The following MYH10 variants were observed in gnomAD, a reference collection of about 807,000 sequenced individuals.
MYH10 encodes the protein myosin-10.
MYH10 carries 55 observed loss-of-function variants against 257.8 expected under a neutral mutation model. That is an observed-to-expected ratio of 0.21 (90% confidence interval 0.17 to 0.27). MYH10 has a LOEUF of 0.27. Among genes scored for constraint, MYH10 ranks in the 10% least tolerant of loss-of-function variants. The pLI, the probability that MYH10 is intolerant of heterozygous loss-of-function variation, is 1.00. For missense variants in MYH10, 1,631 were observed against 2,500.6 expected, an observed-to-expected ratio of 0.65 and a Z score of 7.42; for synonymous variants, 854 against 921.7, an observed-to-expected ratio of 0.93 and a Z score of 1.33.
chr17:8,582,565 G>C (rs2083748559), intron 4 of MYH10, among the ~76,000 whole-genome samples: 2 of 152,234 alleles, frequency 1.3e-5, no homozygotes, highest in African/African-American at 4.8e-5. Context: ...AAGCAAGGAG[G>C]CTTCTAGCTG....
At position 8,576,767 on chromosome 17, in the gene MYH10, G is replaced by A. The variant is rs377528331; in HGVS notation, c.634-95C>T. 11 of 1,193,542 alleles carry A rather than the reference G, an allele frequency of 9.2e-6. No homozygotes were observed. In the South Asian group the frequency reaches 9.3e-5, roughly 10 times the overall value. 73.9% of individuals were successfully genotyped at this position (1,193,542 alleles called of 1,614,324 possible). ...CAAAGCACCAAGCCAATGTGCAGTTGAGAACTGTGGAAGCTGGGTTGGCTG... is the reference window on the plus strand; with the variant it reads ...CAAAGCACCAAGCCAATGTGCAGTTAAGAACTGTGGAAGCTGGGTTGGCTG... On this transcript the variant is annotated intron_variant, in intron 5 of 42. Coordinates refer to ENST00000360416, the MANE Select transcript of MYH10 (RefSeq NM_001256012.3).
chr17:8,540,606 C>T (rs1280423244), intron 14 of MYH10, among the ~76,000 whole-genome samples: 4 of 152,100 alleles, frequency 2.6e-5, no homozygotes, highest in Non-Finnish European at 5.9e-5. Flanking sequence ...CACAATTATT[C>T]CTATAAAGAT....
intron 37 of MYH10, among the ~76,000 whole-genome samples, chr17:8,483,183 CCACAT>C (rs1202542603): frequency 6.6e-6 from 1 of 152,154 alleles, no homozygotes; most frequent in Non-Finnish European, 1.5e-5. Context: ...TGAAATTACT[CCACAT>C]CAAAATTTGT....
At chr17:8,592,489 T>C (rs1299561931) in intron 3 of MYH10, among the ~76,000 whole-genome samples, 1 of 151,946 alleles carries the variant, frequency 6.6e-6, no homozygotes, top group Non-Finnish European at 1.5e-5. Flanking sequence ...CCCATGGATA[T>C]TGAAAAGATA....
chr17:8,596,861 C>T (rs922278310), intron 3 of MYH10, among the ~76,000 whole-genome samples: 1 of 152,000 alleles, frequency 6.6e-6, no homozygotes, highest in Admixed American at 6.6e-5. Flanking sequence ...TATCCTCTAT[C>T]CAAAAATTTT....
At position 8,583,926 on chromosome 17, in the gene MYH10, T is replaced by G. The variant is rs140564684; in HGVS notation, c.530+5155A>C. Among the ~76,000 whole-genome samples, 100 of 152,316 alleles carry G rather than the reference T, an allele frequency of 6.6e-4. 1 individual carries two copies. The East Asian group carries it at 0.019, about 29-fold the overall frequency. On this transcript the variant is annotated intron_variant, in intron 4 of 42. Coordinates refer to ENST00000360416, the MANE Select transcript of MYH10 (RefSeq NM_001256012.3). ...AGAGTCATAAAACATAAACAGAGTA[T>G]TCTTTAAAAGGGGGGTTTAAGAGAA...
chr17:8,476,744 T>C (rs1315099260), intron 42 of MYH10, 132 bp downstream of exon 42: 8 of 1,033,524 alleles, frequency 7.7e-6, no homozygotes, highest in Admixed American at 2.8e-5. Context: ...AAATCTTAAA[T>C]GAAGTGGTTC....
At chr17:8,488,079 G>C (rs1220647329) in intron 35 of MYH10, among the ~76,000 whole-genome samples, 1 of 152,164 alleles carries the variant, frequency 6.6e-6, no homozygotes, top group South Asian at 2.1e-4. Context: ...GCAGGAAAGG[G>C]GGGAGCAGTC....
intron 1 of MYH10, among the ~76,000 whole-genome samples, chr17:8,630,072 G>A (rs1351399531): frequency 6.6e-6 from 1 of 151,762 alleles, no homozygotes; most frequent in African/African-American, 2.4e-5. Context: ...GGGACCGGTC[G>A]CGCCAGGCCT....
intron 3 of MYH10, among the ~76,000 whole-genome samples, chr17:8,601,762 T>C (rs2084608220): frequency 6.6e-6 from 1 of 152,226 alleles, no homozygotes; most frequent in Non-Finnish European, 1.5e-5. Context: ...AAGCAACTAC[T>C]ATGTGCCAGG....
At chr17:8,550,140 T>A (rs1245774894) in intron 9 of MYH10, among the ~76,000 whole-genome samples, 1 of 143,744 alleles carries the variant, frequency 7.0e-6, no homozygotes, top group East Asian at 2.1e-4. Context: ...CGTCTCTGCC[T>A]GGCCGCCCAT....
chr17:8,501,093 T>G (rs1439508210), intron 28 of MYH10, 123 bp from the exon 29 acceptor site: 1 of 1,057,152 alleles, frequency 9.5e-7, no homozygotes, highest in African/African-American at 1.6e-5. Flanking sequence ...AAATACTTGA[T>G]GTGCTATTTC....
intron 4 of MYH10, among the ~76,000 whole-genome samples, chr17:8,585,694 A>G (rs1027194341): frequency 6.6e-6 from 1 of 152,180 alleles, no homozygotes; most frequent in Non-Finnish European, 1.5e-5. Context: ...AGGTGGAGGT[A>G]GGTAAGTACG....
chr17:8,504,046 A>G lies in MYH10; in HGVS notation c.3599+648T>C, dbSNP rs1445849739. 2.6e-5 allele frequency among the ~76,000 whole-genome samples: 4 copies of G among 152,294 alleles called. No homozygotes were observed. The highest frequency in any genetic ancestry group is 9.6e-5 in the African/African-American group (4 of 41,558). On this transcript the variant is annotated intron_variant, in intron 28 of 42. Transcript: ENST00000360416. This position sits in a 1 kb window ranked among gnomAD's most constrained non-coding sequence, Gnocchi z 5.6. Reference sequence around the variant, plus strand: ...CACCTCCAGGCCTGCGTACCGGCTCACTGCTAAGGCTCTCCTGCGACTCGT... The same window carrying G: ...CACCTCCAGGCCTGCGTACCGGCTCGCTGCTAAGGCTCTCCTGCGACTCGT...
chr17:8,547,829 T>C (rs957651469), intron 11 of MYH10, among the ~76,000 whole-genome samples: 6 of 147,514 alleles, frequency 4.1e-5, no homozygotes, highest in African/African-American at 1.2e-4. Context: ...TAATATATTA[T>C]ATATATATAT....
At position 8,535,402 on chromosome 17, in the gene MYH10, C is replaced by T; in HGVS notation, c.1879G>A (p.Glu627Lys). Residue 627 changes from glutamate (E) to lysine (K), a missense_variant, in exon 16 of 43, where the codon GAG (glutamate) becomes AAG (lysine). This residue lies in a region of MYH10 where 96 missense variants were observed against 146.2 expected (regional missense o/e 0.66). Coordinates refer to ENST00000360416, the MANE Select transcript of MYH10 (RefSeq NM_001256012.3). This position sits in a 1 kb window ranked among gnomAD's most constrained non-coding sequence, Gnocchi z 4.3. ...ACTTTCTTACCATCTTTCCAAAGCTCTGCCACAAATCTGTCTGATGACTGG... is the reference window on the plus strand; with the variant it reads ...ACTTTCTTACCATCTTTCCAAAGCTTTGCCACAAATCTGTCTGATGACTGG... ...LHQSSDRFVA[E>K]LWKDEIQNIQ... 1 of 1,613,576 alleles carries T rather than the reference C, an allele frequency of 6.2e-7. No individual in the cohort carries two copies. Among genetic ancestry groups the T allele is most frequent in the Non-Finnish European group, 8.5e-7 (1 of 1,179,694 alleles).
At chr17:8,570,940 C>T (rs2083311847) in intron 6 of MYH10, among the ~76,000 whole-genome samples, 1 of 152,222 alleles carries the variant, frequency 6.6e-6, no homozygotes, top group African/African-American at 2.4e-5. Context: ...GCTCTGCCTA[C>T]ATCCATTACA....
chr17:8,480,268 C>T lies in MYH10; in HGVS notation c.5439G>A (p.Lys1813=). ...CCAGTTGCTGGCGTGCATTGTCACT[C>T]TTCTGGGCGGCGCTGCGCTCGGCTG... ...ELAAERSAAQ[K]SDNARQQLER... Residue 1813 remains lysine (K), a synonymous_variant, in exon 40 of 43, where the codon AAG becomes AAA. Coordinates refer to ENST00000360416, the MANE Select transcript of MYH10 (RefSeq NM_001256012.3). The T allele has an allele frequency of 1.9e-6, 3 of 1,614,140 alleles. No homozygotes were observed. The highest frequency in any genetic ancestry group is 2.5e-6 in the Non-Finnish European group (3 of 1,180,042).
In MYH10 at chr17:8,495,195, T is replaced by G. The variant is rs1489048969; in HGVS notation, c.3998A>C (p.Lys1333Thr). Residue 1333 changes from lysine (K) to threonine (T), a missense_variant, in exon 31 of 43, where the codon AAG (lysine) becomes ACG (threonine). Lys to Thr is a moderately conservative substitution (Grantham distance 78). This residue lies in a region of MYH10 where 463 missense variants were observed against 621.8 expected (regional missense o/e 0.74). Transcript: ENST00000360416. ...TGCATCCTTAGCAAATTTAATACCC[T>G]TCTTCTCTGCTTCTTCCAGAAGGGT... is the stretch of plus-strand genomic sequence containing the variant. ...VSTLLEEAEK[K>T]GIKFAKDAAS... 3 of 1,613,564 alleles carry G rather than the reference T, an allele frequency of 1.9e-6. No individual in the cohort carries two copies. The African/African-American group carries it at 4.0e-5, about 22-fold the overall frequency.
Sources: allele counts gnomAD v4.1 joint callset (sites outside exome capture counted in the v4.1 genomes callset), GRCh38; gene constraint gnomAD v4.1.1; regional missense constraint gnomAD v4.1.1; non-coding constraint Gnocchi (gnomAD v3.1); transcripts MANE v1.5; gene names NCBI Gene and HGNC (gene_info 2026-07-23, HGNC 2026-07-21).